CACNB4: variants seen among roughly 807,000 people sequenced by gnomAD.
CACNB4 encodes the protein voltage-dependent L-type calcium channel subunit beta-4.
In CACNB4, 32 loss-of-function variants were observed where a neutral mutation model predicts 71.2. The ratio of observed to expected loss-of-function variants is 0.45; its 90% CI spans 0.34 to 0.60. The LOEUF is 0.60. CACNB4 is among the 20% of genes least tolerant of loss of function. The pLI is 0.01. For missense variants in CACNB4, 464 were observed against 647.9 expected, an observed-to-expected ratio of 0.72 and a Z score of 3.08; for synonymous variants, 231 against 236.9, an observed-to-expected ratio of 0.97 and a Z score of 0.23.
intron 9 of CACNB4, chr2:151,868,602 A>C (rs2099843782): frequency 6.6e-6 from 1 of 152,190 alleles, no homozygotes. Context: ...TTAAAAAAAG[A>C]TCAATAAAAT....
At chr2:151,846,124 T>A (rs150946493) in intron 12 of CACNB4, among the ~76,000 whole-genome samples, 3 of 152,328 alleles carry the variant, frequency 2.0e-5, no homozygotes, top group Non-Finnish European at 2.9e-5. Flanking sequence ...GAAGTAATGC[T>A]CTTTACTAGG....
At chr2:151,862,120 C>T (rs1393202520) in intron 9 of CACNB4, among the ~76,000 whole-genome samples, 3 of 152,150 alleles carry the variant, frequency 2.0e-5, no homozygotes, top group African/African-American at 7.2e-5. Flanking sequence ...CCCTTTTATA[C>T]TCAGTTAGTA....
intron 2 of CACNB4, among the ~76,000 whole-genome samples, chr2:152,084,554 C>T (rs1687540030): frequency 6.6e-6 from 1 of 152,124 alleles, no homozygotes; most frequent in Non-Finnish European, 1.5e-5. Context: ...TGTGAGCCAG[C>T]AATATATGGA....
intron 2 of CACNB4, among the ~76,000 whole-genome samples, chr2:151,887,436 A>C (rs2099849643): frequency 6.6e-6 from 1 of 152,088 alleles, no homozygotes; most frequent in Non-Finnish European, 1.5e-5. Flanking sequence ...TGTCTCAAAA[A>C]AAAAAAAAAG....
intron 9 of CACNB4, chr2:151,861,267 A>G (rs2099841573): frequency 6.4e-6 from 1 of 156,774 alleles, no homozygotes; most frequent in Admixed American, 6.5e-5. Context: ...AAGCTGGGAA[A>G]CCCTCTTCAT....
At chr2:151,892,499 T>A (rs1232087670) in intron 2 of CACNB4, among the ~76,000 whole-genome samples, 1 of 152,106 alleles carries the variant, frequency 6.6e-6, no homozygotes, top group African/African-American at 2.4e-5. Flanking sequence ...CCAGGAACTG[T>A]GTGATGAAAA....
chr2:152,018,689 G>A (rs771817610), intron 2 of CACNB4, among the ~76,000 whole-genome samples: 8 of 151,926 alleles, frequency 5.3e-5, no homozygotes, highest in Non-Finnish European at 1.2e-4. Context: ...TGTAGTCCTA[G>A]CTACTTTGGA....
intron 2 of CACNB4, among the ~76,000 whole-genome samples, chr2:152,003,694 T>A (rs1682557008): frequency 6.6e-6 from 1 of 152,156 alleles, no homozygotes; most frequent in South Asian, 2.1e-4. Flanking sequence ...GGTAACTGGA[T>A]AAAAATGTAA....
chr2:152,035,414 G>T (rs753417773), intron 2 of CACNB4, among the ~76,000 whole-genome samples: 12 of 152,106 alleles, frequency 7.9e-5, no homozygotes, highest in Non-Finnish European at 1.3e-4. Context: ...TACAAAATTA[G>T]CCAGACATGG....
At chr2:151,893,241 A>C (rs542403653) in intron 2 of CACNB4, among the ~76,000 whole-genome samples, 1 of 152,084 alleles carries the variant, frequency 6.6e-6, no homozygotes, top group African/African-American at 2.4e-5. Context: ...ATAGATCCCT[A>C]TTTTATATCT....
At chr2:152,087,082 A>C (rs911949793) in intron 2 of CACNB4, among the ~76,000 whole-genome samples, 1 of 151,734 alleles carries the variant, frequency 6.6e-6, no homozygotes, top group Non-Finnish European at 1.5e-5. Flanking sequence ...CGGTGAGCCA[A>C]GATTGCACCG....
At chr2:151,980,938 T>C (rs2099874615) in intron 2 of CACNB4, among the ~76,000 whole-genome samples, 3 of 152,208 alleles carry the variant, frequency 2.0e-5, no homozygotes, top group Non-Finnish European at 2.9e-5. Flanking sequence ...CAAGAACCCA[T>C]GATCTTTCAC....
intron 2 of CACNB4, among the ~76,000 whole-genome samples, chr2:152,033,073 G>A (rs1684377164): frequency 6.6e-6 from 1 of 152,250 alleles, no homozygotes; most frequent in Non-Finnish European, 1.5e-5. Flanking sequence ...GCAAGGCCCT[G>A]GAGAACAGCA....
intron 2 of CACNB4, among the ~76,000 whole-genome samples, chr2:152,053,817 A>G (rs1329990172): frequency 2.0e-5 from 3 of 151,962 alleles, no homozygotes; most frequent in Non-Finnish European, 4.4e-5. Context: ...GAGCCATCAC[A>G]CCTGGCCCTG....
chr2:151,943,390 C>T (rs948776883), intron 2 of CACNB4, among the ~76,000 whole-genome samples: 2 of 152,104 alleles, frequency 1.3e-5, no homozygotes, highest in African/African-American at 4.8e-5. Flanking sequence ...TTAGGGTTGA[C>T]CATGACACTG....
intron 2 of CACNB4, among the ~76,000 whole-genome samples, chr2:151,896,551 T>C (rs1209847112): frequency 6.6e-6 from 1 of 152,158 alleles, no homozygotes; most frequent in Non-Finnish European, 1.5e-5. Flanking sequence ...AACCACACGA[T>C]ACCCACCCCT....
chr2:152,079,701 G>C (rs996371182), intron 2 of CACNB4, among the ~76,000 whole-genome samples: 5 of 152,100 alleles, frequency 3.3e-5, no homozygotes, highest in Non-Finnish European at 7.4e-5. Context: ...TGGAAGGATC[G>C]CTTGAGCCCA....
intron 2 of CACNB4, among the ~76,000 whole-genome samples, chr2:152,095,653 T>TTTTG (rs958053834): frequency 2.0e-5 from 3 of 152,072 alleles, no homozygotes; most frequent in African/African-American, 7.2e-5. Flanking sequence ...GAGACTCTGT[T>TTTTG]TTTGTTTGTT....
chr2:151,960,953 C>G (rs977757371), intron 2 of CACNB4, among the ~76,000 whole-genome samples: 1 of 152,140 alleles, frequency 6.6e-6, no homozygotes, highest in African/African-American at 2.4e-5. Flanking sequence ...ACCATAAAAC[C>G]AGTAGCCAAA....
Sources: gnomAD v4.1 joint callset for allele counts (sites outside exome capture counted in the v4.1 genomes callset) on GRCh38, gnomAD v4.1.1 for gene constraint, MANE v1.5 for transcripts, NCBI Gene and HGNC (gene_info 2026-07-23, HGNC 2026-07-21) for gene names.